The following MACROD2 variants were observed in gnomAD, a reference collection of about 807,000 sequenced individuals.
MACROD2 encodes mono-ADP ribosylhydrolase 2, also known as ADP-ribose glycohydrolase MACROD2.
A neutral mutation model predicts 70.4 loss-of-function variants in MACROD2; 36 were observed. The ratio of observed to expected loss-of-function variants is 0.51; its 90% CI spans 0.39 to 0.68. The LOEUF is 0.68. Among genes scored for constraint, MACROD2 ranks in the 30% least tolerant of loss-of-function variants. MACROD2 has a pLI of 0.00. For missense variants in MACROD2, 496 were observed against 538.4 expected (o/e 0.92, Z 0.78); for synonymous variants, 172 against 178.8 (o/e 0.96, Z 0.30).
intron 5 of MACROD2, among the ~76,000 whole-genome samples, chr20:14,694,137 T>A (rs1370659111): frequency 2.0e-5 from 3 of 152,056 alleles, no homozygotes; most frequent in Non-Finnish European, 4.4e-5. Context: ...AGAAAAAAGA[T>A]CCCCTTACCA....
intron 8 of MACROD2, among the ~76,000 whole-genome samples, chr20:15,676,075 G>A (rs1325275837): frequency 1.3e-5 from 2 of 152,050 alleles, no homozygotes; most frequent in Non-Finnish European, 2.9e-5. Context: ...TTTATTTCCT[G>A]TACTCACTCA....
chr20:14,881,957 G>A (rs894364560), intron 5 of MACROD2, among the ~76,000 whole-genome samples: 26 of 152,232 alleles, frequency 1.7e-4, no homozygotes, highest in African/African-American at 5.3e-4. Flanking sequence ...ATATGTTCAC[G>A]CATGTTATCT....
intron 5 of MACROD2, among the ~76,000 whole-genome samples, chr20:14,929,708 G>T (rs1195347999): frequency 6.6e-6 from 1 of 152,062 alleles, no homozygotes; most frequent in Admixed American, 6.5e-5. Flanking sequence ...CCCATCCTCT[G>T]AGTCACCTTA....
intron 3 of MACROD2, chr20:14,325,669 G>C: frequency 3.1e-6 from 5 of 1,613,774 alleles, no homozygotes; most frequent in Non-Finnish European, 3.4e-6. Context: ...AGGAAATATG[G>C]TGTGTATTAC....
At chr20:14,877,488 G>T (rs567311081) in intron 5 of MACROD2, among the ~76,000 whole-genome samples, 54 of 152,136 alleles carry the variant, frequency 3.5e-4, no homozygotes, top group Middle Eastern at 3.4e-3. Flanking sequence ...TCAATACTAT[G>T]TTGAATAGGA....
intron 5 of MACROD2, among the ~76,000 whole-genome samples, chr20:14,869,073 C>A (rs372420): frequency 6.6e-6 from 1 of 151,984 alleles, no homozygotes; most frequent in Admixed American, 6.6e-5. Context: ...TTGAGTGGCC[C>A]TTTCTAAGCA....
At chr20:15,528,140 AT>A (rs11482386) in intron 8 of MACROD2, among the ~76,000 whole-genome samples, 2 of 151,290 alleles carry the variant, frequency 1.3e-5, no homozygotes, top group African/African-American at 2.4e-5. Flanking sequence ...GTCTGGACAC[AT>A]TTTTTTTTAT....
chr20:15,628,733 A>G (rs889083112), intron 8 of MACROD2, among the ~76,000 whole-genome samples: 2 of 152,188 alleles, frequency 1.3e-5, no homozygotes, highest in Non-Finnish European at 1.5e-5. Context: ...CAGGTCTGGC[A>G]CCTTGGTGGG....
At chr20:15,003,053 A>G (rs963626926) in intron 5 of MACROD2, among the ~76,000 whole-genome samples, 2 of 152,280 alleles carry the variant, frequency 1.3e-5, no homozygotes, top group African/African-American at 2.4e-5. Context: ...TACTGTTGAG[A>G]GTTCTTACTT....
At chr20:15,910,123 C>T (rs976893919) in intron 10 of MACROD2, among the ~76,000 whole-genome samples, 18 of 152,134 alleles carry the variant, frequency 1.2e-4, no homozygotes, top group South Asian at 6.2e-4. Flanking sequence ...GGTTCTGTTA[C>T]GCCATCATCA....
intron 3 of MACROD2, among the ~76,000 whole-genome samples, chr20:14,289,597 A>G (rs1347701270): frequency 1.3e-5 from 2 of 152,232 alleles, no homozygotes; most frequent in Non-Finnish European, 2.9e-5. Flanking sequence ...GCTGGAGTAC[A>G]GTGGCATGAT....
intron 5 of MACROD2, among the ~76,000 whole-genome samples, chr20:15,196,343 TATTTA>T (rs987698058): frequency 6.6e-6 from 1 of 152,148 alleles, no homozygotes; most frequent in Non-Finnish European, 1.5e-5. Context: ...ACAAATGCAT[TATTTA>T]ATTCATTAAT....
intron 15 of MACROD2, among the ~76,000 whole-genome samples, chr20:16,025,815 A>G (rs2067071075): frequency 6.7e-6 from 1 of 149,304 alleles, no homozygotes; most frequent in Non-Finnish European, 1.5e-5. Flanking sequence ...AGCAACATTA[A>G]TCTGGTTTTC....
At chr20:14,537,066 C>T (rs1030483090) in intron 4 of MACROD2, among the ~76,000 whole-genome samples, 1 of 152,142 alleles carries the variant, frequency 6.6e-6, no homozygotes, top group Non-Finnish European at 1.5e-5. Context: ...CCCTCCAACC[C>T]CCTTCCTTCT....
At chr20:15,421,999 T>A (rs2046234915) in intron 6 of MACROD2, among the ~76,000 whole-genome samples, 1 of 152,172 alleles carries the variant, frequency 6.6e-6, no homozygotes, top group South Asian at 2.1e-4. Context: ...AAATGGAGTA[T>A]GCCAGACAGA....
intron 3 of MACROD2, among the ~76,000 whole-genome samples, chr20:14,332,534 T>C (rs1161600356): frequency 6.6e-6 from 1 of 152,158 alleles, no homozygotes; most frequent in African/African-American, 2.4e-5. Context: ...AGATTTAAAT[T>C]GATTTTGATT....
chr20:14,685,867 A>G (rs1430871761), intron 5 of MACROD2, among the ~76,000 whole-genome samples: 1 of 152,204 alleles, frequency 6.6e-6, no homozygotes, highest in Non-Finnish European at 1.5e-5. Flanking sequence ...GAAAATTTAT[A>G]ATACAACCTA....
chr20:14,933,484 A>C (rs758242025), intron 5 of MACROD2, among the ~76,000 whole-genome samples: 66 of 152,240 alleles, frequency 4.3e-4, no homozygotes, highest in Admixed American at 1.2e-3. Context: ...GTTTGAGACC[A>C]GCCTGGGCAA....
intron 5 of MACROD2, among the ~76,000 whole-genome samples, chr20:15,076,820 C>G (rs757382102): frequency 2.0e-5 from 3 of 151,970 alleles, no homozygotes; most frequent in Non-Finnish European, 2.9e-5. Flanking sequence ...AACTTTCATA[C>G]GTAGAACTCC....
Sources: allele counts gnomAD v4.1 joint callset (sites outside exome capture counted in the v4.1 genomes callset), GRCh38; gene constraint gnomAD v4.1.1; transcripts MANE v1.5; gene names NCBI Gene and HGNC (gene_info 2026-07-23, HGNC 2026-07-21).